Variants in GTF2A1L observed in about 807,000 individuals in gnomAD.
GTF2A1L encodes TFIIA-alpha and beta-like factor.
GTF2A1L carries 48 observed loss-of-function variants against 49.7 expected under a neutral mutation model. The ratio of observed to expected loss-of-function variants is 0.97; its 90% CI spans 0.77 to 1.23. GTF2A1L has a LOEUF of 1.23. GTF2A1L is among the 50% of genes most tolerant of loss of function. The pLI, the probability that GTF2A1L is intolerant of heterozygous loss-of-function variation, is 0.00. For missense variants in GTF2A1L, 736 were observed against 564.8 expected, an observed-to-expected ratio of 1.30 and a Z score of -3.07; for synonymous variants, 246 against 193.5, an observed-to-expected ratio of 1.27 and a Z score of -2.25.
At chr2:48,662,973 A>T (rs1040853020) in intron 6 of GTF2A1L, among the ~76,000 whole-genome samples, 1 of 152,088 alleles carries the variant, frequency 6.6e-6, no homozygotes, top group Non-Finnish European at 1.5e-5. Context: ...TATGCTTATT[A>T]CCTGGGTGAT....
At chr2:48,624,158 A>C (rs1424388825) in intron 3 of GTF2A1L, among the ~76,000 whole-genome samples, 1 of 144,784 alleles carries the variant, frequency 6.9e-6, no homozygotes, top group Non-Finnish European at 1.6e-5. Flanking sequence ...GGACCCCTTT[A>C]AGCTCATAAA....
At chr2:48,647,966 C>T (rs879794848) in intron 6 of GTF2A1L, among the ~76,000 whole-genome samples, 2 of 152,104 alleles carry the variant, frequency 1.3e-5, no homozygotes, top group Admixed American at 1.3e-4. Context: ...TAGCCATCAT[C>T]TAGACCCACT....
intron 8 of GTF2A1L, among the ~76,000 whole-genome samples, chr2:48,674,216 T>C (rs1356866785): frequency 6.6e-6 from 1 of 152,186 alleles, no homozygotes; most frequent in African/African-American, 2.4e-5. Flanking sequence ...TACATTCTTA[T>C]TAGCAGTGTT....
intron 3 of GTF2A1L, among the ~76,000 whole-genome samples, chr2:48,625,580 T>A (rs1676247974): frequency 7.0e-6 from 1 of 142,934 alleles, no homozygotes; most frequent in Non-Finnish European, 1.6e-5. Context: ...CTGTATTTAT[T>A]TTATTTTATT....
chr2:48,646,429 C>A (rs1470759504), intron 5 of GTF2A1L, 24 bp from the exon 6 acceptor site: 9 of 1,498,748 alleles, frequency 6.0e-6, no homozygotes, highest in Non-Finnish European at 7.1e-6. Flanking sequence ...ATTATACTTA[C>A]AATTTTGCTT....
intron 6 of GTF2A1L, among the ~76,000 whole-genome samples, chr2:48,660,018 A>T (rs1678394995): frequency 6.6e-6 from 1 of 152,076 alleles, no homozygotes; most frequent in Admixed American, 6.5e-5. Flanking sequence ...TACTGTGTTG[A>T]TTAGAAGTGG....
chr2:48,619,115 C>T (rs182835208), intron 1 of GTF2A1L, among the ~76,000 whole-genome samples: 1 of 152,160 alleles, frequency 6.6e-6, no homozygotes, highest in Non-Finnish European at 1.5e-5. Context: ...TACTGATTGG[C>T]CTATTCGTAT....
chr2:48,648,715 C>G (rs1385902755), intron 6 of GTF2A1L, among the ~76,000 whole-genome samples: 1 of 152,000 alleles, frequency 6.6e-6, no homozygotes, highest in African/African-American at 2.4e-5. Flanking sequence ...CCATAGTAAG[C>G]TTTAGATTAG....
intron 3 of GTF2A1L, among the ~76,000 whole-genome samples, chr2:48,640,398 G>A (rs1460482663): frequency 1.3e-5 from 2 of 152,172 alleles, no homozygotes; most frequent in Non-Finnish European, 1.5e-5. Flanking sequence ...TGGGAACATG[G>A]ATGGAGCTGG....
chr2:48,630,699 A>G (rs1676519413), intron 3 of GTF2A1L, among the ~76,000 whole-genome samples: 1 of 142,976 alleles, frequency 7.0e-6, no homozygotes, highest in African/African-American at 2.5e-5. Flanking sequence ...TCTCAGGGAG[A>G]GTTCTTCCAA....
intron 7 of GTF2A1L, among the ~76,000 whole-genome samples, chr2:48,670,678 G>A (rs115461743): frequency 6.6e-6 from 1 of 152,268 alleles, no homozygotes; most frequent in African/African-American, 2.4e-5. Flanking sequence ...ATCATATTAA[G>A]TCTTAAATGC....
chr2:48,656,359 T>G (rs1589748), intron 6 of GTF2A1L, among the ~76,000 whole-genome samples: 2,598 of 46,746 alleles, frequency 0.056, 43 homozygotes, highest in East Asian at 0.13. Flanking sequence ...TTTTTTTTTT[T>G]TTTTTTTTTT....
chr2:48,635,647 G>C (rs1223594538), intron 3 of GTF2A1L, among the ~76,000 whole-genome samples: 1 of 152,058 alleles, frequency 6.6e-6, no homozygotes, highest in Non-Finnish European at 1.5e-5. Flanking sequence ...CTACTTCTGA[G>C]GTGCTTTCCA....
chr2:48,670,116 G>A, intron 7 of GTF2A1L, 134 bp downstream of exon 7: 1 of 1,310,658 alleles, frequency 7.6e-7, no homozygotes, highest in Non-Finnish European at 1.0e-6. Flanking sequence ...TTTGGGGCCG[G>A]GCACGGTGGC....
At position 48,656,367 on chromosome 2, in the gene GTF2A1L, T is replaced by C. The variant is rs1033424299; in HGVS notation, c.978+9325T>C. Among the ~76,000 whole-genome samples the C allele has an allele frequency of 4.0e-3, 606 of 149,850 alleles. 11 individuals carry two copies. The highest frequency in any genetic ancestry group is 0.014 in the African/African-American group (582 of 40,806). ...TTTTCTGTTTTTTTTTTTTTTTTTT[T>C]TTTTTTTTTTAATAATTGCTACCCT... On this transcript the variant is annotated intron_variant, in intron 6 of 8. Coordinates refer to ENST00000403751, the MANE Select transcript of GTF2A1L (RefSeq NM_006872.5).
chr2:48,675,749 G>A (rs1349414191), intron 8 of GTF2A1L, among the ~76,000 whole-genome samples: 3 of 151,842 alleles, frequency 2.0e-5, no homozygotes, highest in Non-Finnish European at 4.4e-5. Context: ...TAGCAGACTT[G>A]CTTATAGCTG....
chr2:48,678,391 C>A (rs896950422), intron 8 of GTF2A1L, among the ~76,000 whole-genome samples: 3 of 151,898 alleles, frequency 2.0e-5, no homozygotes, highest in Non-Finnish European at 4.4e-5. Context: ...CTTTAAAACC[C>A]CCCCACAAAA....
intron 4 of GTF2A1L, among the ~76,000 whole-genome samples, chr2:48,643,963 T>G (rs1677352296): frequency 6.6e-6 from 1 of 152,076 alleles, no homozygotes; most frequent in Non-Finnish European, 1.5e-5. Flanking sequence ...CCTCCCAAAG[T>G]GCTGGGATTA....
At chr2:48,643,152 T>C (rs920351405) in intron 4 of GTF2A1L, among the ~76,000 whole-genome samples, 1 of 152,298 alleles carries the variant, frequency 6.6e-6, no homozygotes, top group African/African-American at 2.4e-5. Context: ...AGCAACATCA[T>C]AGTTTTGACT....
Sources: allele counts gnomAD v4.1 joint callset (sites outside exome capture counted in the v4.1 genomes callset), GRCh38; gene constraint gnomAD v4.1.1; transcripts MANE v1.5; gene names NCBI Gene and HGNC (gene_info 2026-07-23, HGNC 2026-07-21).